PELI1: variants seen among roughly 807,000 people sequenced by gnomAD.
PELI1 encodes the protein E3 ubiquitin-protein ligase pellino homolog 1.
A neutral mutation model predicts 41.3 loss-of-function variants in PELI1; 15 were observed. The observed-to-expected ratio is 0.36, with a 90% CI of 0.24 to 0.56. The LOEUF is 0.56. PELI1 is among the 20% of genes least tolerant of loss of function. The pLI, the probability that PELI1 is intolerant of heterozygous loss-of-function variation, is 0.82. For synonymous variants in PELI1, 178 were observed against 180.1 expected, an observed-to-expected ratio of 0.99 and a Z score of 0.09; for missense variants, 403 against 525.5, an observed-to-expected ratio of 0.77 and a Z score of 2.28.
chr2:64,121,549 TA>T (rs151150446), intron 1 of PELI1, among the ~76,000 whole-genome samples: 2,358 of 152,282 alleles, frequency 0.015, 57 homozygotes, highest in African/African-American at 0.053. Flanking sequence ...CTTGAGGAAA[TA>T]TTTTTTTTCT....
chr2:64,100,193 TG>T (rs537015889), intron 4 of PELI1, among the ~76,000 whole-genome samples: 92 of 152,334 alleles, frequency 6.0e-4, no homozygotes, highest in Non-Finnish European at 1.0e-3. Flanking sequence ...ATAATGGTTA[TG>T]TAATATTTAC....
At chr2:64,114,890 A>T (rs770867045) in intron 1 of PELI1, among the ~76,000 whole-genome samples, 1 of 152,112 alleles carries the variant, frequency 6.6e-6, no homozygotes, top group African/African-American at 2.4e-5. Context: ...GACAACATAC[A>T]TTGTTCTTAG....
rs370861246 is a variant in PELI1, at chr2:64,112,170, A to AAAC, written c.-69-3794_-69-3792dup. Among the ~76,000 whole-genome samples, 536 of 152,346 alleles carry AAAC rather than the reference A, an allele frequency of 3.5e-3. 3 individuals are homozygous for AAAC. Among genetic ancestry groups the AAAC allele is most frequent in the African/African-American group, 0.012 (506 of 41,576 alleles). On this transcript the variant is annotated intron_variant, in intron 1 of 6. Coordinates refer to ENST00000358912, the MANE Select transcript of PELI1 (RefSeq NM_020651.4). ...GAATTAGTAAGTGCACAGATATGGC[A>AAAC]AACATCTGAAAGTGTAAATGCCCGT...
chr2:64,137,895 G>T lies in PELI1; in HGVS notation c.-70+6186C>A, dbSNP rs549318685. On this transcript the variant is annotated intron_variant, in intron 1 of 6. Transcript: ENST00000358912. ...AAAAATTTTTTTTTCTAAAAATATT[G>T]AGTAATGCTAGTATTGTTAAGTGTA... Among the ~76,000 whole-genome samples the T allele has an allele frequency of 3.2e-3, 486 of 152,034 alleles. 2 individuals are homozygous for T. The highest frequency in any genetic ancestry group is 6.8e-3 in the Middle Eastern group (2 of 294).
intron 1 of PELI1, among the ~76,000 whole-genome samples, chr2:64,113,224 C>T (rs1680881314): frequency 5.3e-5 from 8 of 151,760 alleles, no homozygotes; most frequent in Admixed American, 5.2e-4. Context: ...ATCACTTGTG[C>T]CCAGGAGTTT....
At chr2:64,128,305 A>G (rs933436764) in intron 1 of PELI1, among the ~76,000 whole-genome samples, 1 of 152,160 alleles carries the variant, frequency 6.6e-6, no homozygotes, top group African/African-American at 2.4e-5. Context: ...AGCTAATGGA[A>G]TTAGAAATAA....
At chr2:64,124,735 C>A (rs1681331815) in intron 1 of PELI1, among the ~76,000 whole-genome samples, 1 of 152,170 alleles carries the variant, frequency 6.6e-6, no homozygotes, top group South Asian at 2.1e-4. Context: ...TGAGTGTTCT[C>A]TCTGACATCA....
rs191858869 is a variant in PELI1, at chr2:64,125,899, A to C, written c.-69-17520T>G. Among the ~76,000 whole-genome samples the C allele has an allele frequency of 1.5e-4, 23 of 152,352 alleles. 1 individual carries two copies. The East Asian group carries it at 4.2e-3, about 28-fold the overall frequency. ...ACAAAATTAATAAAAATATTGTATA[A>C]AATTGTCTTCAAGCTATTTGTATAA... On this transcript the variant is annotated intron_variant, in intron 1 of 6. Coordinates refer to ENST00000358912, the MANE Select transcript of PELI1 (RefSeq NM_020651.4).
chr2:64,132,499 G>A (rs1345461305), intron 1 of PELI1, among the ~76,000 whole-genome samples: 1 of 152,176 alleles, frequency 6.6e-6, no homozygotes, highest in Admixed American at 6.5e-5. Flanking sequence ...CAAGGCAAAA[G>A]AGCTACCAAT....
chr2:64,119,229 T>C (rs751722106), intron 1 of PELI1, among the ~76,000 whole-genome samples: 17 of 152,326 alleles, frequency 1.1e-4, no homozygotes, highest in Middle Eastern at 3.4e-3. Context: ...TACAACATAC[T>C]TCCTAAAACT....
intron 1 of PELI1, among the ~76,000 whole-genome samples, chr2:64,117,509 T>G (rs963842370): frequency 7.9e-5 from 12 of 152,330 alleles, no homozygotes; most frequent in South Asian, 6.2e-4. Flanking sequence ...AGAGCATATA[T>G]TCTCTGCTCT....
intron 2 of PELI1, 96 bp from the exon 3 acceptor site, chr2:64,104,926 A>G: frequency 1.0e-6 from 1 of 989,406 alleles, no homozygotes; most frequent in Non-Finnish European, 1.5e-6. Flanking sequence ...ATTCCCAATT[A>G]ATTATCTATT....
intron 1 of PELI1, among the ~76,000 whole-genome samples, chr2:64,122,270 C>T (rs563785824): frequency 2.2e-4 from 32 of 145,730 alleles, no homozygotes; most frequent in African/African-American, 7.6e-4. Context: ...TTTTCCTCTA[C>T]GATGTCTGAA....
At chr2:64,109,455 C>T (rs12472736) in intron 1 of PELI1, among the ~76,000 whole-genome samples, 26,111 of 151,860 alleles carry the variant, frequency 0.17, 3,043 homozygotes, top group Non-Finnish European at 0.24. Flanking sequence ...TCGAGGCAGG[C>T]GGATCACTTG....
intron 1 of PELI1, among the ~76,000 whole-genome samples, chr2:64,108,947 A>G (rs1046517119): frequency 2.6e-5 from 4 of 152,228 alleles, no homozygotes; most frequent in African/African-American, 7.2e-5. Flanking sequence ...CCCAGAAAAC[A>G]GTTTTGCCCC....
intron 1 of PELI1, among the ~76,000 whole-genome samples, chr2:64,113,579 G>A (rs953469866): frequency 2.0e-5 from 3 of 151,886 alleles, no homozygotes; most frequent in African/African-American, 4.8e-5. Context: ...CTTGATACTC[G>A]AAAGCATGTT....
intron 1 of PELI1, among the ~76,000 whole-genome samples, chr2:64,109,948 C>G (rs1185317963): frequency 6.6e-6 from 1 of 151,618 alleles, no homozygotes; most frequent in Non-Finnish European, 1.5e-5. Context: ...AAGAGTAAAG[C>G]TGAAAAAATA....
intron 1 of PELI1, among the ~76,000 whole-genome samples, chr2:64,137,506 TTG>T (rs1681756946): frequency 6.6e-6 from 1 of 152,166 alleles, no homozygotes; most frequent in African/African-American, 2.4e-5. Flanking sequence ...TGTGCGCATT[TTG>T]TGAGACCTTA....
At chr2:64,136,138 C>G (rs1484560362) in intron 1 of PELI1, among the ~76,000 whole-genome samples, 1 of 152,040 alleles carries the variant, frequency 6.6e-6, no homozygotes, top group Non-Finnish European at 1.5e-5. Context: ...ATAAGTTACA[C>G]TTCAGTATGG....
Sources: gnomAD v4.1 joint callset for allele counts (sites outside exome capture counted in the v4.1 genomes callset) on GRCh38, gnomAD v4.1.1 for gene constraint, MANE v1.5 for transcripts, NCBI Gene and HGNC (gene_info 2026-07-23, HGNC 2026-07-21) for gene names.